Variants in FERMT2 observed in about 807,000 individuals in gnomAD.
FERMT2 encodes the protein FERM domain containing kindlin 2, also known as fermitin family homolog 2.
FERMT2 carries 15 observed loss-of-function variants against 82.7 expected under a neutral mutation model. That is an observed-to-expected ratio of 0.18 (90% confidence interval 0.12 to 0.28). The LOEUF (loss-of-function observed/expected upper bound fraction) is 0.28. Ranked by LOEUF, FERMT2 falls within the 10% of genes least tolerant of loss-of-function variation. The probability of loss-of-function intolerance (pLI) is 1.00; values close to 1 mark genes in which losing one functional copy is unlikely to be tolerated. For synonymous variants in FERMT2, 274 were observed against 271.5 expected (o/e 1.01, Z -0.09); for missense variants, 645 against 809.4 (o/e 0.80, Z 2.46).
At chr14:52,934,030 A>G (rs1339349031) in intron 2 of FERMT2, among the ~76,000 whole-genome samples, 1 of 152,232 alleles carries the variant, frequency 6.6e-6, no homozygotes, top group Non-Finnish European at 1.5e-5. Context: ...GCAGCAAAGT[A>G]TACCTTAGCA....
At chr14:52,889,207 T>C (rs1400807772) in intron 4 of FERMT2, among the ~76,000 whole-genome samples, 1 of 152,242 alleles carries the variant, frequency 6.6e-6, no homozygotes, top group African/African-American at 2.4e-5. Flanking sequence ...ATGTAGTGTT[T>C]TGGACAAGAA....
intron 3 of FERMT2, among the ~76,000 whole-genome samples, chr14:52,905,901 G>A (rs577716164): frequency 3.0e-4 from 46 of 152,328 alleles, no homozygotes; most frequent in African/African-American, 1.1e-3. Context: ...ACGGCTAGAA[G>A]AAAATCTAGG....
At chr14:52,881,552 G>C in intron 4 of FERMT2, 83 bp from the exon 5 acceptor site, 2 of 1,087,886 alleles carry the variant, frequency 1.8e-6, no homozygotes, top group Non-Finnish European at 2.7e-6. Flanking sequence ...ATGATATAAA[G>C]CACATTGTGA....
At chr14:52,912,664 C>T (rs542230091) in intron 3 of FERMT2, among the ~76,000 whole-genome samples, 1 of 152,228 alleles carries the variant, frequency 6.6e-6, no homozygotes, top group Admixed American at 6.5e-5. Context: ...TGTGTGCCAC[C>T]ATGCCCGGCT....
At chr14:52,884,661 T>C (rs977305541) in intron 4 of FERMT2, among the ~76,000 whole-genome samples, 9 of 151,956 alleles carry the variant, frequency 5.9e-5, no homozygotes, top group African/African-American at 1.2e-4. Context: ...ACTGCCTCCA[T>C]GTACTATAAC....
chr14:52,860,126 A>G (rs1254118826), intron 13 of FERMT2: 2 of 479,770 alleles, frequency 4.2e-6, no homozygotes, highest in African/African-American at 2.0e-5. Flanking sequence ...CAAGAGTGCT[A>G]TTCTCTTAGT....
chr14:52,937,432 C>T (rs1889894503), intron 2 of FERMT2, among the ~76,000 whole-genome samples: 3 of 152,182 alleles, frequency 2.0e-5, no homozygotes, highest in Admixed American at 2.0e-4. Context: ...CACTGCAATC[C>T]CCAACCTGGA....
At chr14:52,888,416 T>C (rs375842394) in intron 4 of FERMT2, among the ~76,000 whole-genome samples, 4 of 152,288 alleles carry the variant, frequency 2.6e-5, no homozygotes, top group East Asian at 1.9e-4. Flanking sequence ...TTAAGTTATA[T>C]ACTAACCAGC....
chr14:52,918,905 A>G (rs1888781061), intron 3 of FERMT2, among the ~76,000 whole-genome samples: 1 of 152,210 alleles, frequency 6.6e-6, no homozygotes, highest in Non-Finnish European at 1.5e-5. Flanking sequence ...ATCAGATACA[A>G]TTCTAGTAAG....
intron 2 of FERMT2, among the ~76,000 whole-genome samples, chr14:52,937,109 C>G (rs1889876034): frequency 6.6e-6 from 1 of 152,078 alleles, no homozygotes; most frequent in Non-Finnish European, 1.5e-5. Context: ...TTGCAGTGAG[C>G]TTAGATCGTG....
chr14:52,885,312 C>CAAA (rs1181582996), intron 4 of FERMT2, among the ~76,000 whole-genome samples: 6,143 of 60,930 alleles, frequency 0.1, 1,496 homozygotes, highest in Middle Eastern at 0.12. Flanking sequence ...GACTTAGTCT[C>CAAA]AAAAAAAAAA....
At chr14:52,866,543 T>C (rs1885291905) in intron 10 of FERMT2, among the ~76,000 whole-genome samples, 1 of 152,120 alleles carries the variant, frequency 6.6e-6, no homozygotes, top group Non-Finnish European at 1.5e-5. Flanking sequence ...CCTCTAACTT[T>C]TCCTTGCCTA....
chr14:52,928,382 A>C (rs953165382), intron 2 of FERMT2: 2 of 156,768 alleles, frequency 1.3e-5, no homozygotes, highest in Non-Finnish European at 2.8e-5. Flanking sequence ...CAAATGAGAT[A>C]TAACTATTAC....
At chr14:52,913,519 C>G (rs555316266) in intron 3 of FERMT2, among the ~76,000 whole-genome samples, 80 of 152,248 alleles carry the variant, frequency 5.3e-4, no homozygotes, top group Non-Finnish European at 8.8e-4. Context: ...TAGACTTGGC[C>G]AACTGCCTGC....
intron 2 of FERMT2, among the ~76,000 whole-genome samples, chr14:52,946,036 C>G (rs1890339061): frequency 6.6e-6 from 1 of 151,936 alleles, no homozygotes; most frequent in African/African-American, 2.4e-5. Context: ...ATCACCATAC[C>G]CGGCTAATTT....
intron 4 of FERMT2, 59 bp downstream of exon 4, chr14:52,893,234 G>A (rs1887055692): frequency 2.1e-6 from 3 of 1,441,568 alleles, no homozygotes; most frequent in Admixed American, 5.2e-5. Context: ...CCACCAGAAA[G>A]ACAAAGGTAC....
In FERMT2 at chr14:52,943,136, A is replaced by G. The variant is rs971277742; in HGVS notation, c.157+7276T>C. Among the ~76,000 whole-genome samples the G allele has an allele frequency of 5.5e-5, 8 of 144,334 alleles. 2 individuals carry two copies. The highest frequency in any genetic ancestry group is 2.1e-4 in the African/African-American group (8 of 37,478). The allele number at this position is 144,334 out of a possible 152,430, so 94.7% of individuals were successfully genotyped here. A position where few individuals can be genotyped will look rare whatever the true frequency, so the allele number is the denominator to read the frequency against. On this transcript the variant is annotated intron_variant, in intron 2 of 14. Coordinates refer to ENST00000341590, the MANE Select transcript of FERMT2 (RefSeq NM_006832.3). Reference sequence around the variant, plus strand: ...GGCAGGAGAATCACTTGAACTTGGGAGGCGGAGGTTGCAGTGGACTGAAAT... The same window carrying G: ...GGCAGGAGAATCACTTGAACTTGGGGGGCGGAGGTTGCAGTGGACTGAAAT...
At chr14:52,859,528 G>A in intron 14 of FERMT2, 45 bp downstream of exon 14, 1 of 1,505,018 alleles carries the variant, frequency 6.6e-7, no homozygotes, top group South Asian at 1.4e-5. Flanking sequence ...GTACTAATTT[G>A]TATCAGAGAA....
At chr14:52,906,360 C>T (rs550365698) in intron 3 of FERMT2, among the ~76,000 whole-genome samples, 1 of 152,266 alleles carries the variant, frequency 6.6e-6, no homozygotes, top group Admixed American at 6.5e-5. Context: ...AGACTATGAC[C>T]TCAGTAATGA....
Sources: allele counts gnomAD v4.1 joint callset (sites outside exome capture counted in the v4.1 genomes callset), GRCh38; gene constraint gnomAD v4.1.1; transcripts MANE v1.5; gene names NCBI Gene and HGNC (gene_info 2026-07-23, HGNC 2026-07-21).